BTC: variants seen among roughly 807,000 people sequenced by gnomAD.
The protein encoded by BTC is probetacellulin.
BTC carries 13 observed loss-of-function variants against 18.1 expected under a neutral mutation model. The observed-to-expected ratio is 0.72, with a 90% confidence interval of 0.47 to 1.14. BTC has a LOEUF of 1.14. Among genes scored for constraint, BTC ranks in the 50% most tolerant of loss-of-function variants. BTC has a pLI of 0.00. For synonymous variants in BTC, 83 were observed against 79.4 expected (o/e 1.05, Z -0.24); for missense variants, 247 against 224.2 (o/e 1.10, Z -0.65).
Position 74,749,235 on chromosome 4 carries a change from T to C in BTC, c.429-1086A>G, listed in dbSNP as rs1340157961. On this transcript the variant is annotated intron_variant, in intron 4 of 5. Coordinates refer to ENST00000395743, the MANE Select transcript of BTC (RefSeq NM_001729.4). ...AACTTGAGGTCAGGAGTTACCAGCC[T>C]GGTGTACATGGTGAAACCCCATCTC... Among the ~76,000 whole-genome samples the C allele has an allele frequency of 4.6e-5, 7 of 152,178 alleles. 1 individual carries two copies. The highest frequency in any genetic ancestry group is 4.6e-4 in the Admixed American group (7 of 15,290).
At chr4:74,782,940 G>C (rs1725372472) in intron 1 of BTC, among the ~76,000 whole-genome samples, 1 of 152,046 alleles carries the variant, frequency 6.6e-6, no homozygotes, top group African/African-American at 2.4e-5. Flanking sequence ...GTTTTTTAAT[G>C]GGGTGGTTTG....
At chr4:74,748,012 T>C (rs782189752) in intron 5 of BTC, 28 bp downstream of exon 5, 1 of 1,365,208 alleles carries the variant, frequency 7.3e-7, no homozygotes, top group Non-Finnish European at 1.0e-6. Context: ...CCTGAATAGT[T>C]TTCTATCAGC....
Position 74,748,085 on chromosome 4 carries a change from T to C in BTC, c.493A>G (p.Ile165Val), listed in dbSNP as rs782165165. The C allele has an allele frequency of 3.1e-6, 5 of 1,610,586 alleles. No individual in the cohort carries two copies. Among genetic ancestry groups the C allele is most frequent in the East Asian group, 2.2e-5 (1 of 44,838 alleles). ...EEEMETLGKD[I>V]TPINEDIEET... ...TCAATATCTTCATTGATAGGAGTTATATCTTTACCCAGAGTTTCCATTTCT... is the reference window on the plus strand; with the variant it reads ...TCAATATCTTCATTGATAGGAGTTACATCTTTACCCAGAGTTTCCATTTCT... The change falls in exon 5 of 6, where the codon ATA becomes GTA. Residue 165 changes from isoleucine to valine, a missense_variant. By Grantham distance (29) the Ile-to-Val change is conservative (BLOSUM62 3). Coordinates refer to ENST00000395743, the MANE Select transcript of BTC (RefSeq NM_001729.4).
chr4:74,777,665 GACA>G (rs1043867460), intron 1 of BTC, among the ~76,000 whole-genome samples: 1 of 151,990 alleles, frequency 6.6e-6, no homozygotes, highest in African/African-American at 2.4e-5. Flanking sequence ...ATAGAAATAT[GACA>G]CCTTCTACAT....
intron 1 of BTC, among the ~76,000 whole-genome samples, chr4:74,788,021 A>G (rs1725526296): frequency 1.3e-5 from 2 of 152,208 alleles, no homozygotes; most frequent in African/African-American, 4.8e-5. Context: ...TTTCCAGAGT[A>G]TTTTAACAAA....
chr4:74,781,384 C>CGTGTGTGTGT (rs139134613), intron 1 of BTC, among the ~76,000 whole-genome samples: 54 of 126,534 alleles, frequency 4.3e-4, no homozygotes, highest in African/African-American at 1.9e-3. Context: ...TCTCTCGTCA[C>CGTGTGTGTGT]GTGTGTGTGT....
chr4:74,768,177 G>A (rs1398418374), intron 2 of BTC, among the ~76,000 whole-genome samples: 1 of 152,004 alleles, frequency 6.6e-6, no homozygotes, highest in Non-Finnish European at 1.5e-5. Context: ...TTTTCCTGAA[G>A]ACAATTTAGC....
chr4:74,752,004 C>T (rs376359020), intron 3 of BTC, among the ~76,000 whole-genome samples: 9 of 152,300 alleles, frequency 5.9e-5, no homozygotes, highest in Non-Finnish European at 5.9e-5. Context: ...AAAGGATTTA[C>T]GGCTGGGCTG....
intron 2 of BTC, among the ~76,000 whole-genome samples, chr4:74,760,171 C>T (rs1256882205): frequency 6.6e-6 from 1 of 152,168 alleles, no homozygotes; most frequent in Non-Finnish European, 1.5e-5. Flanking sequence ...TATTACAGTG[C>T]TTTTTTGTAA....
intron 2 of BTC, among the ~76,000 whole-genome samples, chr4:74,768,736 A>C (rs78998867): frequency 0.062 from 9,500 of 152,258 alleles, 387 homozygotes; most frequent in Admixed American, 0.12. Flanking sequence ...ATTTCATGTT[A>C]AATGTTCTTA....
At chr4:74,789,369 C>G (rs1021811706) in intron 1 of BTC, among the ~76,000 whole-genome samples, 1 of 152,064 alleles carries the variant, frequency 6.6e-6, no homozygotes, top group Non-Finnish European at 1.5e-5. Flanking sequence ...TAGACAAATA[C>G]CTATGAAATA....
chr4:74,751,400 T>C (rs1394102633), intron 3 of BTC, among the ~76,000 whole-genome samples: 2 of 152,110 alleles, frequency 1.3e-5, no homozygotes, highest in African/African-American at 4.8e-5. Flanking sequence ...CACATAAGTC[T>C]TGTCCTCTTT....
At chr4:74,760,019 C>T (rs782806286) in intron 2 of BTC, among the ~76,000 whole-genome samples, 4 of 152,150 alleles carry the variant, frequency 2.6e-5, no homozygotes, top group Non-Finnish European at 4.4e-5. Context: ...AGAGTAGATC[C>T]GTTAGGTGTA....
chr4:74,790,106 A>G (rs773806241), intron 1 of BTC, among the ~76,000 whole-genome samples: 25 of 152,248 alleles, frequency 1.6e-4, no homozygotes, highest in Non-Finnish European at 3.2e-4. Context: ...CTATTTCATA[A>G]CTAGCGGGAG....
At chr4:74,784,232 G>GAA (rs58751452) in intron 1 of BTC, among the ~76,000 whole-genome samples, 3,614 of 79,532 alleles carry the variant, frequency 0.045, 165 homozygotes, top group African/African-American at 0.15. Context: ...ATTCTCTCTC[G>GAA]AAAAAAAAAA....
Position 74,787,392 on chromosome 4 carries a change from T to A in BTC, c.64+6870A>T, listed in dbSNP as rs534922986. On this transcript the variant is annotated intron_variant, in intron 1 of 5. Coordinates refer to ENST00000395743, the MANE Select transcript of BTC (RefSeq NM_001729.4). ...TTAATTGATGTGAATTAAGATTAAA[T>A]ATTGCCTCTCCCTCCAACCATCTAA... Among the ~76,000 whole-genome samples the A allele has an allele frequency of 8.2e-4, 125 of 152,322 alleles. 1 individual carries two copies. Among genetic ancestry groups the A allele is most frequent in the Non-Finnish European group, 4.3e-4 (29 of 68,024 alleles).
intron 3 of BTC, among the ~76,000 whole-genome samples, chr4:74,753,751 G>A (rs1724523545): frequency 6.6e-6 from 1 of 152,056 alleles, no homozygotes; most frequent in South Asian, 2.1e-4. Flanking sequence ...TTGGGAGGAT[G>A]AGGCAGGAGA....
chr4:74,784,742 T>A (rs937734772), intron 1 of BTC, among the ~76,000 whole-genome samples: 9 of 152,248 alleles, frequency 5.9e-5, no homozygotes, highest in Non-Finnish European at 1.2e-4. Context: ...GATTTGCATA[T>A]GTTGAACAAA....
chr4:74,792,485 C>T (rs1005796500), intron 1 of BTC, among the ~76,000 whole-genome samples: 1 of 152,156 alleles, frequency 6.6e-6, no homozygotes, highest in Non-Finnish European at 1.5e-5. Context: ...CAGGCGCCCC[C>T]CCTTCCTATA....
Sources: allele counts gnomAD v4.1 joint callset (sites outside exome capture counted in the v4.1 genomes callset), GRCh38; gene constraint gnomAD v4.1.1; transcripts MANE v1.5; gene names NCBI Gene and HGNC (gene_info 2026-07-23, HGNC 2026-07-21).